Variants in ZBTB20 observed in about 807,000 individuals in gnomAD.
ZBTB20 encodes zinc finger and BTB domain containing 20.
A neutral mutation model predicts 56.9 loss-of-function variants in ZBTB20; 9 were observed. The observed-to-expected ratio is 0.16, with a 90% CI of 0.10 to 0.28. The LOEUF (loss-of-function observed/expected upper bound fraction) is 0.28, where lower values mean the gene tolerates loss of function less well. Ranked by LOEUF, ZBTB20 falls within the 10% of genes least tolerant of loss-of-function variation. ZBTB20 has a pLI of 1.00. For synonymous variants in ZBTB20, 417 were observed against 420.7 expected (o/e 0.99, Z 0.11); for missense variants, 655 against 1,003.0 (o/e 0.65, Z 4.69).
chr3:114,621,607 C>T (rs1381098689), intron 6 of ZBTB20, among the ~76,000 whole-genome samples: 1 of 151,992 alleles, frequency 6.6e-6, no homozygotes, highest in Non-Finnish European at 1.5e-5. Flanking sequence ...TGTTATTTAG[C>T]AATTTGATTT....
chr3:114,773,535 A>T (rs1560233416), intron 5 of ZBTB20, among the ~76,000 whole-genome samples: 1 of 152,218 alleles, frequency 6.6e-6, no homozygotes, highest in Non-Finnish European at 1.5e-5. Flanking sequence ...GAAAAAGAAC[A>T]CAGGGAGTGT....
intron 5 of ZBTB20, among the ~76,000 whole-genome samples, chr3:114,708,086 T>C (rs1475491108): frequency 6.6e-6 from 1 of 152,196 alleles, no homozygotes; most frequent in Non-Finnish European, 1.5e-5. Flanking sequence ...ATTTGTTTGT[T>C]ATCCAGGATA....
intron 6 of ZBTB20, among the ~76,000 whole-genome samples, chr3:114,566,267 T>C (rs1288837197): frequency 6.6e-6 from 1 of 152,182 alleles, no homozygotes; most frequent in East Asian, 1.9e-4. Flanking sequence ...ACCAGTTCTT[T>C]TGGGCCACTC....
intron 2 of ZBTB20, among the ~76,000 whole-genome samples, chr3:115,007,796 A>C (rs767008266): frequency 8.6e-5 from 13 of 151,844 alleles, no homozygotes; most frequent in Admixed American, 2.6e-4. Flanking sequence ...CAAGATCGCA[A>C]ATCACAAGAC....
chr3:114,611,235 A>AT (rs2057527544), intron 6 of ZBTB20, among the ~76,000 whole-genome samples: 1 of 152,122 alleles, frequency 6.6e-6, no homozygotes, highest in Admixed American at 6.6e-5. Context: ...AGTTCTCTCT[A>AT]TTTTCAGGCG....
intron 4 of ZBTB20, among the ~76,000 whole-genome samples, chr3:114,881,380 C>T (rs1223336080): frequency 2.6e-5 from 4 of 152,002 alleles, no homozygotes; most frequent in Admixed American, 2.6e-4. Context: ...TATTGTGTCC[C>T]GCTTAAATTA....
intron 6 of ZBTB20, among the ~76,000 whole-genome samples, chr3:114,587,477 C>T (rs1025000995): frequency 3.3e-5 from 5 of 152,084 alleles, no homozygotes; most frequent in Admixed American, 6.5e-5. Context: ...TTACAGAAAG[C>T]GATAATAGTA....
In ZBTB20 at chr3:114,694,565, T is replaced by C. The variant is rs548298971; in HGVS notation, c.-342-990A>G. 2.0e-5 allele frequency among the ~76,000 whole-genome samples: 3 copies of C among 152,134 alleles called. No homozygotes were observed. The East Asian group carries it at 5.8e-4, about 29-fold the overall frequency. ...GAAGAACCCTATAGAATTTTTTTTA[T>C]AGTTACCATCCTAGGACTTATATAA... On this transcript the variant is annotated intron_variant, in intron 5 of 11. Coordinates refer to ENST00000675478, the MANE Select transcript of ZBTB20 (RefSeq NM_001348800.3).
intron 7 of ZBTB20, among the ~76,000 whole-genome samples, chr3:114,431,622 A>G (rs1312052446): frequency 2.0e-5 from 3 of 152,204 alleles, no homozygotes; most frequent in African/African-American, 7.2e-5. Flanking sequence ...GCTAAAGAAC[A>G]AAAAAAGAGG....
Position 114,328,486 on chromosome 3 carries a change from T to A in ZBTB20, c.*10519A>T, listed in dbSNP as rs2079131103. The A allele has an allele frequency of 6.6e-6, 1 of 152,094 alleles. No individual in the cohort carries two copies. The highest frequency in any genetic ancestry group is 1.9e-4 in the East Asian group (1 of 5,202). 9.4% of individuals were successfully genotyped at this position (152,094 alleles called of 1,614,324 possible). On this transcript the variant is annotated 3_prime_UTR_variant, in exon 12 of 12. Coordinates refer to ENST00000675478, the MANE Select transcript of ZBTB20 (RefSeq NM_001348800.3). ...AAGTGATTTACTCATATGAAGAACC[T>A]GAACACTGTGGTATTTAAAAAAAAA...
chr3:114,468,559 A>G (rs181293352), intron 7 of ZBTB20, among the ~76,000 whole-genome samples: 38 of 152,304 alleles, frequency 2.5e-4, no homozygotes, highest in Non-Finnish European at 4.7e-4. Flanking sequence ...CTTTCAAGAT[A>G]AACATTTTTA....
At chr3:115,044,480 TGACAGTGAAGAAATAAAA>T (rs1299263986) in intron 2 of ZBTB20, among the ~76,000 whole-genome samples, 2 of 152,186 alleles carry the variant, frequency 1.3e-5, no homozygotes, top group Non-Finnish European at 2.9e-5. Context: ...GCAAAATAAA[TGACAGTGAAGAAATAAAA>T]GACAGCTAAA....
At chr3:114,422,394 T>C (rs2089263052) in intron 7 of ZBTB20, among the ~76,000 whole-genome samples, 1 of 152,168 alleles carries the variant, frequency 6.6e-6, no homozygotes, top group Admixed American at 6.5e-5. Context: ...CAAGAAAGTA[T>C]ATTTTGTGAA....
At chr3:114,623,826 C>A (rs2058485734) in intron 6 of ZBTB20, among the ~76,000 whole-genome samples, 1 of 151,834 alleles carries the variant, frequency 6.6e-6, no homozygotes, top group Non-Finnish European at 1.5e-5. Context: ...TTCCTCCCCC[C>A]AACAAGCATG....
At chr3:114,370,428 G>A (rs2082873471) in intron 10 of ZBTB20, among the ~76,000 whole-genome samples, 1 of 152,084 alleles carries the variant, frequency 6.6e-6, no homozygotes, top group African/African-American at 2.4e-5. Flanking sequence ...CAAAACCTAA[G>A]GTAATCTTTT....
chr3:114,544,772 T>C (rs1194151728), intron 6 of ZBTB20, among the ~76,000 whole-genome samples: 3 of 152,118 alleles, frequency 2.0e-5, no homozygotes, highest in African/African-American at 7.2e-5. Flanking sequence ...CCCAAAGTGC[T>C]GGAATTACAG....
At chr3:114,857,129 C>T (rs77391424) in intron 4 of ZBTB20, among the ~76,000 whole-genome samples, 6,481 of 152,196 alleles carry the variant, frequency 0.043, 179 homozygotes, top group Non-Finnish European at 0.066. Flanking sequence ...TTCTTACCCC[C>T]ACTTCTACCT....
chr3:114,896,783 C>G (rs2074900240), intron 4 of ZBTB20, among the ~76,000 whole-genome samples: 1 of 151,934 alleles, frequency 6.6e-6, no homozygotes, highest in South Asian at 2.1e-4. Context: ...GTGTATTTTT[C>G]CCAAATACAA....
At chr3:115,020,773 C>G (rs1576583475) in intron 2 of ZBTB20, among the ~76,000 whole-genome samples, 1 of 151,140 alleles carries the variant, frequency 6.6e-6, no homozygotes, top group Admixed American at 6.6e-5. Context: ...TACCTATTCT[C>G]TTCCATTTAT....
Sources: gnomAD v4.1 joint callset for allele counts (sites outside exome capture counted in the v4.1 genomes callset) on GRCh38, gnomAD v4.1.1 for gene constraint, MANE v1.5 for transcripts, NCBI Gene and HGNC (gene_info 2026-07-23, HGNC 2026-07-21) for gene names.